Variants in WDR72 observed in about 807,000 individuals in gnomAD.
WDR72 encodes the protein WD repeat domain 72.
In WDR72, 120 loss-of-function variants were observed where a neutral mutation model predicts 124.2. The ratio of observed to expected loss-of-function variants is 0.97; its 90% CI spans 0.83 to 1.12. The LOEUF is 1.12. WDR72 is among the 50% of genes most tolerant of loss of function. The pLI is 0.00. For synonymous variants in WDR72, 452 were observed against 441.7 expected (o/e 1.02, Z -0.29); for missense variants, 1,387 against 1,278.8 (o/e 1.08, Z -1.29).
intron 13 of WDR72, among the ~76,000 whole-genome samples, chr15:53,686,930 T>C (rs1219453443): frequency 6.6e-6 from 1 of 151,554 alleles, no homozygotes; most frequent in Admixed American, 6.6e-5. Context: ...CTCAAATACA[T>C]GGAAACTGAA....
chr15:53,618,826 T>C (rs879646225), intron 14 of WDR72, among the ~76,000 whole-genome samples: 14 of 152,096 alleles, frequency 9.2e-5, no homozygotes, highest in South Asian at 6.2e-4. Flanking sequence ...CTTATCCCTT[T>C]GAATATTTTC....
intron 14 of WDR72, among the ~76,000 whole-genome samples, chr15:53,649,489 T>G (rs1268950701): frequency 6.6e-6 from 1 of 152,120 alleles, no homozygotes; most frequent in African/African-American, 2.4e-5. Flanking sequence ...GACCCTATCT[T>G]AAGTCTGTAT....
intron 18 of WDR72, among the ~76,000 whole-genome samples, chr15:53,530,371 A>G (rs922258516): frequency 6.6e-6 from 1 of 151,860 alleles, no homozygotes; most frequent in Non-Finnish European, 1.5e-5. Context: ...TAAAAGAAGT[A>G]TGGTGGTGAA....
intron 10 of WDR72, 142 bp downstream of exon 10, chr15:53,705,785 T>C (rs1454478238): frequency 1.0e-6 from 1 of 977,960 alleles, no homozygotes; most frequent in Non-Finnish European, 1.6e-6. Context: ...TTATACCTGC[T>C]TTCATGTTGT....
At chr15:53,739,747 T>C (rs2018457371) in intron 1 of WDR72, among the ~76,000 whole-genome samples, 1 of 152,106 alleles carries the variant, frequency 6.6e-6, no homozygotes, top group African/African-American at 2.4e-5. Context: ...AAAAATCATT[T>C]GACCTTCATT....
chr15:53,730,369 C>T (rs1469909868), intron 2 of WDR72, among the ~76,000 whole-genome samples: 1 of 152,180 alleles, frequency 6.6e-6, no homozygotes, highest in Non-Finnish European at 1.5e-5. Flanking sequence ...ATTTACAAGT[C>T]TGTCTCCCAT....
At chr15:53,710,799 A>T in intron 9 of WDR72, 58 bp downstream of exon 9, 1 of 1,370,028 alleles carries the variant, frequency 7.3e-7, no homozygotes, top group Non-Finnish European at 1.0e-6. Flanking sequence ...ACAAAGCAAC[A>T]CTTATCCAAG....
At chr15:53,657,120 C>T (rs571449173) in intron 14 of WDR72, among the ~76,000 whole-genome samples, 7 of 151,444 alleles carry the variant, frequency 4.6e-5, no homozygotes, top group Admixed American at 2.6e-4. Flanking sequence ...AAAAATTAGC[C>T]GGTTGTGGTG....
At chr15:53,745,778 AC>A (rs1392947579) in intron 1 of WDR72, among the ~76,000 whole-genome samples, 14 of 152,144 alleles carry the variant, frequency 9.2e-5, no homozygotes, top group Admixed American at 7.9e-4. Context: ...GATCACAATT[AC>A]CGCTCTTTCC....
At chr15:53,638,708 A>C (rs117686153) in intron 14 of WDR72, among the ~76,000 whole-genome samples, 2,143 of 150,858 alleles carry the variant, frequency 0.014, 42 homozygotes, top group East Asian at 0.097. Context: ...TGATACGTTT[A>C]TTAAGCCATG....
intron 14 of WDR72, among the ~76,000 whole-genome samples, chr15:53,622,503 A>G (rs1002238827): frequency 6.6e-6 from 1 of 152,148 alleles, no homozygotes; most frequent in Admixed American, 6.6e-5. Context: ...GCAAGCCATT[A>G]TCCTCAGCAA....
intron 14 of WDR72, among the ~76,000 whole-genome samples, chr15:53,624,215 G>A (rs1419720927): frequency 6.6e-6 from 1 of 152,184 alleles, no homozygotes; most frequent in Non-Finnish European, 1.5e-5. Flanking sequence ...TAGAGAATGA[G>A]CTACACAGAA....
chr15:53,558,998 G>C (rs1894030023), intron 18 of WDR72, among the ~76,000 whole-genome samples: 1 of 151,978 alleles, frequency 6.6e-6, no homozygotes, highest in Non-Finnish European at 1.5e-5. Context: ...TTCTTGGAGA[G>C]TTAGAATCTC....
chr15:53,545,436 G>T (rs1260686809), intron 18 of WDR72, among the ~76,000 whole-genome samples: 2 of 150,230 alleles, frequency 1.3e-5, no homozygotes, highest in East Asian at 3.9e-4. Flanking sequence ...TTAATAAACG[G>T]TGCTGGGAAA....
intron 1 of WDR72, among the ~76,000 whole-genome samples, chr15:53,753,300 G>A (rs980213760): frequency 1.3e-5 from 2 of 152,144 alleles, no homozygotes; most frequent in Admixed American, 6.5e-5. Flanking sequence ...AGGCCTATAT[G>A]GACAAGGCCT....
chr15:53,685,320 T>C (rs2016577907), intron 13 of WDR72, among the ~76,000 whole-genome samples: 2 of 130,328 alleles, frequency 1.5e-5, no homozygotes, highest in South Asian at 5.4e-4. Context: ...TGAAAAAAAT[T>C]TAGAAGAATG....
At chr15:53,644,882 C>G (rs558227755) in intron 14 of WDR72, among the ~76,000 whole-genome samples, 1 of 152,018 alleles carries the variant, frequency 6.6e-6, no homozygotes, top group Non-Finnish European at 1.5e-5. Flanking sequence ...GCTAATGGCA[C>G]GGGCAATCAT....
At chr15:53,680,611 T>C (rs1483179345) in intron 13 of WDR72, among the ~76,000 whole-genome samples, 2 of 152,228 alleles carry the variant, frequency 1.3e-5, no homozygotes. Flanking sequence ...TAAATCTTCT[T>C]ATCTTAGTTA....
intron 18 of WDR72, among the ~76,000 whole-genome samples, chr15:53,563,014 G>A (rs1259227234): frequency 6.6e-6 from 1 of 151,728 alleles, no homozygotes; most frequent in Non-Finnish European, 1.5e-5. Context: ...CAATAAAAGC[G>A]AGGGAATTTT....
Sources: gnomAD v4.1 joint callset for allele counts (sites outside exome capture counted in the v4.1 genomes callset) on GRCh38, gnomAD v4.1.1 for gene constraint, MANE v1.5 for transcripts, NCBI Gene and HGNC (gene_info 2026-07-23, HGNC 2026-07-21) for gene names.